Variants in SPPL3 observed in about 807,000 individuals in gnomAD.
The protein encoded by SPPL3 is signal peptide peptidase like 3.
Under a neutral mutation model 42.4 loss-of-function variants are expected in SPPL3, and 5 were observed. The observed-to-expected ratio is 0.12, with a 90% CI of 0.06 to 0.25. The LOEUF is 0.25. Ranked by LOEUF, SPPL3 falls within the 10% of genes least tolerant of loss-of-function variation. The pLI, the probability that SPPL3 is intolerant of heterozygous loss-of-function variation, is 1.00. For missense variants in SPPL3, 235 were observed against 489.0 expected, an observed-to-expected ratio of 0.48 and a Z score of 4.90; for synonymous variants, 195 against 181.8, an observed-to-expected ratio of 1.07 and a Z score of -0.58.
rs1873921495 is a variant in SPPL3, at chr12:120,899,888, C to CGAA, written c.23+3956_23+3957insTTC. Among the ~76,000 whole-genome samples the CGAA allele has an allele frequency of 4.2e-5, 3 of 71,704 alleles. No individual in the cohort carries two copies. The Admixed American group carries it at 5.8e-4, about 14-fold the overall frequency. The allele number at this position is 71,704 out of a possible 152,430, so 47.0% of individuals were successfully genotyped here. ...TGGGCGACAGAGCAAGACCCTGTCT[C>CGAA]AAAAAAAAAAAAAAAAAAAAAAGAT... On this transcript the variant is annotated intron_variant, in intron 1 of 10. Transcript: ENST00000353487.
intron 6 of SPPL3, among the ~76,000 whole-genome samples, chr12:120,774,025 C>A (rs145104148): frequency 1.2e-4 from 19 of 152,302 alleles, no homozygotes; most frequent in African/African-American, 4.6e-4. Flanking sequence ...CATGCTAATC[C>A]TCCTCCACCT....
chr12:120,894,063 C>T (rs1434298935), intron 1 of SPPL3, among the ~76,000 whole-genome samples: 1 of 152,088 alleles, frequency 6.6e-6, no homozygotes, highest in Admixed American at 6.6e-5. Context: ...GTGGGTCACG[C>T]CTGTAATCCC....
At chr12:120,886,789 G>A (rs1382367659) in intron 1 of SPPL3, among the ~76,000 whole-genome samples, 1 of 152,102 alleles carries the variant, frequency 6.6e-6, no homozygotes, top group Non-Finnish European at 1.5e-5. Context: ...GATCATACAT[G>A]TGAGCAAAAA....
chr12:120,810,280 C>T (rs1870642227), intron 2 of SPPL3, among the ~76,000 whole-genome samples: 1 of 152,122 alleles, frequency 6.6e-6, no homozygotes, highest in African/African-American at 2.4e-5. Flanking sequence ...CTGTGCCCGG[C>T]CAAAGATTAA....
intron 1 of SPPL3, among the ~76,000 whole-genome samples, chr12:120,888,667 C>T (rs1333479213): frequency 6.6e-6 from 1 of 152,124 alleles, no homozygotes; most frequent in East Asian, 1.9e-4. Flanking sequence ...TGAGCAGTAA[C>T]TGCTAATATG....
At chr12:120,848,617 G>A (rs898502600) in intron 1 of SPPL3, among the ~76,000 whole-genome samples, 6 of 152,044 alleles carry the variant, frequency 3.9e-5, no homozygotes, top group Admixed American at 6.5e-5. Flanking sequence ...GCATATTTTC[G>A]ATGGACTTAT....
intron 4 of SPPL3, 169 bp downstream of exon 4, chr12:120,784,305 A>G (rs1869640004): frequency 1.8e-6 from 1 of 567,278 alleles, no homozygotes; most frequent in Non-Finnish European, 3.0e-6. Context: ...CAAGAGGTTC[A>G]AGGAGGAGTT....
intron 1 of SPPL3, among the ~76,000 whole-genome samples, chr12:120,853,311 A>G (rs555390995): frequency 3.5e-4 from 53 of 152,358 alleles, no homozygotes; most frequent in African/African-American, 1.3e-3. Context: ...ACAGAACTAT[A>G]TTATATTACA....
intron 2 of SPPL3, among the ~76,000 whole-genome samples, chr12:120,802,431 A>ATATATATTT (rs1312190815): frequency 9.5e-6 from 1 of 105,162 alleles, no homozygotes; most frequent in African/African-American, 4.6e-5. Flanking sequence ...ATATATATAT[A>ATATATATTT]TTTTTTTTTT....
chr12:120,894,542 ACTTT>A (rs1873742731), intron 1 of SPPL3, among the ~76,000 whole-genome samples: 1 of 152,122 alleles, frequency 6.6e-6, no homozygotes. Context: ...AATGAACAAA[ACTTT>A]CTTTGCTACA....
intron 9 of SPPL3, among the ~76,000 whole-genome samples, chr12:120,766,633 A>C (rs1454476578): frequency 2.6e-5 from 4 of 151,994 alleles, no homozygotes; most frequent in African/African-American, 9.7e-5. Flanking sequence ...TTCCAGCTCC[A>C]AGTGTGCCTC....
At chr12:120,783,145 T>C (rs902988514) in intron 5 of SPPL3, among the ~76,000 whole-genome samples, 3 of 152,200 alleles carry the variant, frequency 2.0e-5, no homozygotes, top group Non-Finnish European at 4.4e-5. Context: ...TGTAAATCTT[T>C]TGGTTATCAC....
At chr12:120,893,552 A>C (rs182669862) in intron 1 of SPPL3, among the ~76,000 whole-genome samples, 68 of 152,068 alleles carry the variant, frequency 4.5e-4, no homozygotes, top group African/African-American at 1.3e-3. Context: ...AGATGCCTTT[A>C]TTTCTTTATG....
intron 2 of SPPL3, among the ~76,000 whole-genome samples, chr12:120,808,321 C>G (rs1163879605): frequency 6.6e-6 from 1 of 152,140 alleles, no homozygotes; most frequent in African/African-American, 2.4e-5. Flanking sequence ...GGGCATCTGC[C>G]TGCTTCAGCC....
intron 1 of SPPL3, among the ~76,000 whole-genome samples, chr12:120,886,766 C>T (rs1254553670): frequency 1.3e-5 from 2 of 152,000 alleles, no homozygotes; most frequent in Non-Finnish European, 2.9e-5. Context: ...TCTGTTTTTC[C>T]TAAAGACACA....
chr12:120,851,242 G>C (rs1872211686), intron 1 of SPPL3, among the ~76,000 whole-genome samples: 1 of 152,148 alleles, frequency 6.6e-6, no homozygotes, highest in Non-Finnish European at 1.5e-5. Flanking sequence ...TATGGCCCTA[G>C]AGACCATGTA....
intron 8 of SPPL3, 45 bp from the exon 9 acceptor site, chr12:120,767,638 C>T: frequency 6.3e-7 from 1 of 1,594,902 alleles, no homozygotes; most frequent in Non-Finnish European, 8.6e-7. Flanking sequence ...CTCTACAATC[C>T]AGTTTCTATT....
intron 1 of SPPL3, among the ~76,000 whole-genome samples, chr12:120,899,444 T>G (rs971092178): frequency 4.6e-5 from 7 of 152,172 alleles, no homozygotes; most frequent in South Asian, 4.1e-4. Flanking sequence ...ATTTACTCAG[T>G]AGGGTCTATG....
intron 1 of SPPL3, among the ~76,000 whole-genome samples, chr12:120,821,907 T>C (rs1331600268): frequency 1.3e-5 from 2 of 152,156 alleles, no homozygotes; most frequent in East Asian, 3.8e-4. Context: ...TCAAATATTA[T>C]TCATCCTTAA....
Sources: allele counts gnomAD v4.1 joint callset (sites outside exome capture counted in the v4.1 genomes callset), GRCh38; gene constraint gnomAD v4.1.1; transcripts MANE v1.5; gene names NCBI Gene and HGNC (gene_info 2026-07-23, HGNC 2026-07-21).